GRIN2A: variants seen among roughly 807,000 people sequenced by gnomAD.
The protein encoded by GRIN2A is glutamate receptor ionotropic, NMDA 2A.
In GRIN2A, 22 loss-of-function variants were observed where a neutral mutation model predicts 113.4. That is an observed-to-expected ratio of 0.19 (90% CI 0.14 to 0.28). The LOEUF (loss-of-function observed/expected upper bound fraction) is 0.28, where lower values mean the gene tolerates loss of function less well. Ranked by LOEUF, GRIN2A falls within the 10% of genes least tolerant of loss-of-function variation. The probability of loss-of-function intolerance (pLI) is 1.00; values close to 1 mark genes in which losing one functional copy is unlikely to be tolerated. For missense variants in GRIN2A, 1,502 were observed against 1,887.0 expected, an observed-to-expected ratio of 0.80 and a Z score of 3.78; for synonymous variants, 827 against 738.4, an observed-to-expected ratio of 1.12 and a Z score of -1.94.
At chr16:9,898,028 T>A (rs2043840545) in intron 3 of GRIN2A, among the ~76,000 whole-genome samples, 1 of 151,430 alleles carries the variant, frequency 6.6e-6, no homozygotes, top group South Asian at 2.1e-4. Flanking sequence ...GGGCAGCGTA[T>A]TTAAAATCTA....
chr16:9,952,650 T>G (rs2045211372), intron 2 of GRIN2A, among the ~76,000 whole-genome samples: 1 of 152,194 alleles, frequency 6.6e-6, no homozygotes, highest in East Asian at 1.9e-4. Context: ...ATTTTCTGTC[T>G]GTTCAATGTC....
intron 5 of GRIN2A, among the ~76,000 whole-genome samples, chr16:9,842,903 C>A (rs1320920031): frequency 2.7e-5 from 4 of 150,308 alleles, no homozygotes; most frequent in African/African-American, 9.9e-5. Context: ...TGCACTCCAG[C>A]CTAGGTGACA....
At chr16:10,088,459 G>A (rs2048122748) in intron 2 of GRIN2A, among the ~76,000 whole-genome samples, 1 of 152,200 alleles carries the variant, frequency 6.6e-6, no homozygotes, top group Non-Finnish European at 1.5e-5. Context: ...GGCTGTGAGT[G>A]AGGATGGCAG....
intron 5 of GRIN2A, among the ~76,000 whole-genome samples, chr16:9,847,018 G>A (rs1287408946): frequency 1.3e-5 from 2 of 152,182 alleles, no homozygotes; most frequent in African/African-American, 4.8e-5. Context: ...ATAACAAAAG[G>A]AGAAATGACA....
intron 3 of GRIN2A, among the ~76,000 whole-genome samples, chr16:9,903,904 G>A (rs1253098851): frequency 1.3e-5 from 2 of 152,210 alleles, no homozygotes; most frequent in South Asian, 2.1e-4. Flanking sequence ...CTGGACTTGT[G>A]TAATTCATAG....
In GRIN2A at chr16:9,757,402, A is replaced by AT. The variant is rs1172384064; in HGVS notation, c.*5746dup. On this transcript the variant is annotated 3_prime_UTR_variant, in exon 13 of 13. Coordinates refer to ENST00000330684, the MANE Select transcript of GRIN2A (RefSeq NM_001134407.3). ...AAAGGTATGCTCATAGAATCAGATT[A>AT]TTTTTTTTTTCCTGGCTACAACTTT... is the stretch of plus-strand genomic sequence containing the variant. 3.5e-3 allele frequency: 708 copies of AT among 204,102 alleles called. No homozygotes were observed. The highest frequency in any genetic ancestry group is 0.01 in the Middle Eastern group (7 of 670). 12.6% of individuals were successfully genotyped at this position (204,102 alleles called of 1,614,324 possible). A position where few individuals can be genotyped will look rare whatever the true frequency, so the allele number is the denominator to read the frequency against.
chr16:10,137,363 C>T (rs2049217416), intron 2 of GRIN2A, among the ~76,000 whole-genome samples: 1 of 152,188 alleles, frequency 6.6e-6, no homozygotes, highest in Non-Finnish European at 1.5e-5. Context: ...ACTCTAAAGT[C>T]ACATTCTTGC....
chr16:9,801,894 A>G (rs960423630), intron 10 of GRIN2A, among the ~76,000 whole-genome samples: 3 of 152,196 alleles, frequency 2.0e-5, no homozygotes, highest in African/African-American at 7.2e-5. Flanking sequence ...GTAGGGCCAC[A>G]TGAACTGGTT....
chr16:10,032,558 T>C (rs567140154), intron 2 of GRIN2A, among the ~76,000 whole-genome samples: 1 of 152,202 alleles, frequency 6.6e-6, no homozygotes. Flanking sequence ...TAAATTAACT[T>C]TCAGCCCTTG....
chr16:9,863,338 A>AT, intron 4 of GRIN2A, among the ~76,000 whole-genome samples: 1 of 152,128 alleles, frequency 6.6e-6, no homozygotes, highest in Non-Finnish European at 1.5e-5. Context: ...AAGGGGCAAC[A>AT]TTTTCTTTCC....
At chr16:10,017,277 G>A (rs68004512) in intron 2 of GRIN2A, among the ~76,000 whole-genome samples, 16,375 of 151,894 alleles carry the variant, frequency 0.11, 978 homozygotes, top group Middle Eastern at 0.14. Flanking sequence ...ATCATTACAC[G>A]ATTAATAGAT....
chr16:10,154,288 T>C (rs2049644191), intron 2 of GRIN2A, among the ~76,000 whole-genome samples: 1 of 152,180 alleles, frequency 6.6e-6, no homozygotes, highest in South Asian at 2.1e-4. Context: ...TAAGCCTTTA[T>C]TGTTATAAGC....
intron 2 of GRIN2A, among the ~76,000 whole-genome samples, chr16:10,016,060 G>T (rs534392715): frequency 7.0e-6 from 1 of 143,730 alleles, no homozygotes; most frequent in East Asian, 2.1e-4. Context: ...AGGTTGCAGT[G>T]AGCCAAGATC....
At chr16:10,066,829 A>G (rs2142019622) in intron 2 of GRIN2A, among the ~76,000 whole-genome samples, 1 of 152,326 alleles carries the variant, frequency 6.6e-6, no homozygotes, top group East Asian at 1.9e-4. Context: ...GATATGTAAG[A>G]CCAGCCCATC....
chr16:10,024,276 T>G (rs965470885), intron 2 of GRIN2A, among the ~76,000 whole-genome samples: 2 of 152,202 alleles, frequency 1.3e-5, no homozygotes, highest in African/African-American at 4.8e-5. Flanking sequence ...CAGGCTGGAG[T>G]GCAGTGGCAC....
intron 11 of GRIN2A, among the ~76,000 whole-genome samples, chr16:9,789,553 T>TAC (rs71157785): frequency 0.024 from 3,530 of 149,566 alleles, 163 homozygotes; most frequent in Admixed American, 0.11. Context: ...GAAACATACA[T>TAC]ACACACACAC....
rs148454125 is a variant in GRIN2A at position 9,931,259 on chromosome 16, C to T, written c.1007+6700G>A. The stretch of plus-strand genomic sequence containing the variant: ...AACTGAAATGCACTTCCATTGCTTG[C>T]TTTCCTAGCTTACTCAGAGCTTGCA... On this transcript the variant is annotated intron_variant, in intron 3 of 12. Coordinates refer to ENST00000330684, the MANE Select transcript of GRIN2A (RefSeq NM_001134407.3). Among the ~76,000 whole-genome samples the T allele has an allele frequency of 2.6e-5, 4 of 152,246 alleles. No individual in the cohort carries two copies. In the East Asian group the frequency reaches 7.7e-4, roughly 29 times the overall value.
chr16:10,059,425 A>G (rs2047511992), intron 2 of GRIN2A, among the ~76,000 whole-genome samples: 1 of 152,160 alleles, frequency 6.6e-6, no homozygotes, highest in African/African-American at 2.4e-5. Context: ...CTACTGAGGC[A>G]TCTACGGGTA....
At chr16:10,147,347 T>C (rs2049461903) in intron 2 of GRIN2A, among the ~76,000 whole-genome samples, 1 of 149,374 alleles carries the variant, frequency 6.7e-6, no homozygotes, top group Non-Finnish European at 1.5e-5. Flanking sequence ...TGTAGAAGTG[T>C]ACTGTAATCC....
Sources: gnomAD v4.1 joint callset for allele counts (sites outside exome capture counted in the v4.1 genomes callset) on GRCh38, gnomAD v4.1.1 for gene constraint, MANE v1.5 for transcripts, NCBI Gene and HGNC (gene_info 2026-07-23, HGNC 2026-07-21) for gene names.